TRPS1: variants seen among roughly 807,000 people sequenced by gnomAD.
TRPS1 encodes the protein zinc finger transcription factor Trps1.
A neutral mutation model predicts 101.2 loss-of-function variants in TRPS1; 6 were observed. The ratio of observed to expected loss-of-function variants is 0.06; its 90% CI spans 0.03 to 0.12. The LOEUF (loss-of-function observed/expected upper bound fraction) is 0.12, where lower values mean the gene tolerates loss of function less well. Among genes scored for constraint, TRPS1 ranks in the 10% least tolerant of loss-of-function variants. The probability of loss-of-function intolerance (pLI) is 1.00; values close to 1 mark genes in which losing one functional copy is unlikely to be tolerated. For synonymous variants in TRPS1, 578 were observed against 589.8 expected (o/e 0.98, Z 0.29); for missense variants, 1,363 against 1,567.0 (o/e 0.87, Z 2.20).
intron 5 of TRPS1, among the ~76,000 whole-genome samples, chr8:115,581,756 T>C (rs1395846162): frequency 6.6e-6 from 1 of 152,174 alleles, no homozygotes; most frequent in Non-Finnish European, 1.5e-5. Flanking sequence ...TTTTACACGG[T>C]AAAACAGAAC....
At chr8:115,461,754 A>C (rs996992112) in intron 5 of TRPS1, among the ~76,000 whole-genome samples, 21 of 152,328 alleles carry the variant, frequency 1.4e-4, no homozygotes, top group Admixed American at 1.4e-3. Flanking sequence ...AACCTCATCT[A>C]GGAGTAAAAA....
intron 5 of TRPS1, among the ~76,000 whole-genome samples, chr8:115,527,034 C>T (rs1298972503): frequency 6.6e-6 from 1 of 152,102 alleles, no homozygotes; most frequent in East Asian, 1.9e-4. Context: ...CCTTTGGGAA[C>T]ATAAGACTGT....
chr8:115,557,134 T>A (rs1816840236), intron 5 of TRPS1, among the ~76,000 whole-genome samples: 1 of 151,986 alleles, frequency 6.6e-6, no homozygotes, highest in African/African-American at 2.4e-5. Context: ...AACCACCTGA[T>A]CTCGTGAGAC....
chr8:115,549,444 AG>A (rs1816651871), intron 5 of TRPS1, among the ~76,000 whole-genome samples: 1 of 152,200 alleles, frequency 6.6e-6, no homozygotes, highest in Admixed American at 6.5e-5. Flanking sequence ...TCTAAGCAAA[AG>A]TTATAAGTTT....
At chr8:115,474,568 A>C (rs1814551757) in intron 5 of TRPS1, among the ~76,000 whole-genome samples, 1 of 152,176 alleles carries the variant, frequency 6.6e-6, no homozygotes, top group South Asian at 2.1e-4. Flanking sequence ...ATGAGAGAAC[A>C]GATTACTGTT....
Position 115,418,275 on chromosome 8 carries a change from C to A in TRPS1, c.2823+55G>T, listed in dbSNP as rs201376396. On this transcript the variant is annotated intron_variant, in intron 6 of 6. Transcript: ENST00000395715. The surrounding 1 kb of genome is among the most constrained non-coding windows in gnomAD (Gnocchi z 4.3). ...GGAATGGGACTTATCACACCACAGACCAGGCCAACACTGCTTTATAAAGCT... is the reference window on the plus strand; with the variant it reads ...GGAATGGGACTTATCACACCACAGAACAGGCCAACACTGCTTTATAAAGCT... 6.2e-7 allele frequency: 1 copy of A among 1,613,624 alleles called. No individual in the cohort carries two copies. Among genetic ancestry groups the A allele is most frequent in the South Asian group, 1.1e-5 (1 of 91,058 alleles).
chr8:115,621,253 G>T (rs906501791), intron 2 of TRPS1, among the ~76,000 whole-genome samples: 1 of 152,206 alleles, frequency 6.6e-6, no homozygotes, highest in Non-Finnish European at 1.5e-5. Flanking sequence ...CGAGTGCTGT[G>T]TAAGTCATCA....
chr8:115,571,477 T>G (rs143503257), intron 5 of TRPS1, among the ~76,000 whole-genome samples: 1 of 152,296 alleles, frequency 6.6e-6, no homozygotes, highest in East Asian at 1.9e-4. Context: ...CCTTAAAGCT[T>G]GGAAGATTTT....
intron 3 of TRPS1, among the ~76,000 whole-genome samples, chr8:115,606,618 T>C (rs1818043430): frequency 6.6e-6 from 1 of 152,048 alleles, no homozygotes; most frequent in Non-Finnish European, 1.5e-5. Flanking sequence ...CATTCAATGG[T>C]GTGAGAGGTT....
chr8:115,496,371 A>G (rs897329067), intron 5 of TRPS1, among the ~76,000 whole-genome samples: 1 of 152,174 alleles, frequency 6.6e-6, no homozygotes, highest in African/African-American at 2.4e-5. Context: ...CTTTAACTGT[A>G]ACAATCAATT....
chr8:115,535,554 T>C (rs945887523), intron 5 of TRPS1, among the ~76,000 whole-genome samples: 1 of 149,698 alleles, frequency 6.7e-6, no homozygotes, highest in African/African-American at 2.4e-5. Flanking sequence ...AGCGCATATA[T>C]ATATATATAT....
rs542591572 is a variant in TRPS1, at chr8:115,618,375, T to C, written c.966+757A>G. Among the ~76,000 whole-genome samples the C allele has an allele frequency of 3.3e-5, 5 of 152,274 alleles. No individual in the cohort carries two copies. The East Asian group carries it at 9.7e-4, about 29-fold the overall frequency. On this transcript the variant is annotated intron_variant, in intron 3 of 6. Coordinates refer to ENST00000395715, the MANE Select transcript of TRPS1 (RefSeq NM_014112.5). The stretch of plus-strand genomic sequence containing the variant: ...TTCGTTCTATTCAAAATGGTAACAG[T>C]TTCTTTTTTCCATTTCACATATGCC...
At chr8:115,541,335 A>C (rs926242552) in intron 5 of TRPS1, among the ~76,000 whole-genome samples, 1 of 152,128 alleles carries the variant, frequency 6.6e-6, no homozygotes, top group African/African-American at 2.4e-5. Flanking sequence ...CAAAATTTTC[A>C]ACTCTACCCT....
At chr8:115,481,361 T>G (rs1814746886) in intron 5 of TRPS1, among the ~76,000 whole-genome samples, 1 of 152,106 alleles carries the variant, frequency 6.6e-6, no homozygotes, top group African/African-American at 2.4e-5. Context: ...AGGTTATAAC[T>G]TGGCTTATAG....
chr8:115,665,873 G>A (rs528843080), intron 1 of TRPS1, among the ~76,000 whole-genome samples: 6 of 152,236 alleles, frequency 3.9e-5, no homozygotes, highest in South Asian at 2.1e-4. Context: ...TTTGAAAAGT[G>A]TTAGACTTAG....
chr8:115,448,387 C>A (rs1217263809), intron 5 of TRPS1, among the ~76,000 whole-genome samples: 1 of 152,164 alleles, frequency 6.6e-6, no homozygotes, highest in Non-Finnish European at 1.5e-5. Flanking sequence ...GCTCTCATCT[C>A]TCCTAATTAG....
intron 5 of TRPS1, among the ~76,000 whole-genome samples, chr8:115,478,776 C>T (rs1356242011): frequency 1.3e-5 from 2 of 150,152 alleles, no homozygotes; most frequent in Non-Finnish European, 2.9e-5. Flanking sequence ...TGCACTCCAG[C>T]TTGGGCGAGA....
intron 5 of TRPS1, among the ~76,000 whole-genome samples, chr8:115,447,777 T>TA (rs1289239809): frequency 6.6e-6 from 1 of 152,072 alleles, no homozygotes; most frequent in Non-Finnish European, 1.5e-5. Flanking sequence ...ATTAAATACT[T>TA]AAAAAAACCC....
chr8:115,498,407 C>CTA (rs1815211856), intron 5 of TRPS1, among the ~76,000 whole-genome samples: 7 of 85,086 alleles, frequency 8.2e-5, no homozygotes, highest in East Asian at 3.5e-4. Context: ...CTCTCTCTCT[C>CTA]TCTCTCTCTA....
Sources: allele counts gnomAD v4.1 joint callset (sites outside exome capture counted in the v4.1 genomes callset), GRCh38; gene constraint gnomAD v4.1.1; non-coding constraint Gnocchi (gnomAD v3.1); transcripts MANE v1.5; gene names NCBI Gene and HGNC (gene_info 2026-07-23, HGNC 2026-07-21).